Variants in FMN1 observed in about 807,000 individuals in gnomAD.
FMN1 encodes the protein formin 1, also known as formin-1.
FMN1 carries 110 observed loss-of-function variants against 132.4 expected under a neutral mutation model. The observed-to-expected ratio is 0.83, with a 90% CI of 0.71 to 0.97. The LOEUF (loss-of-function observed/expected upper bound fraction) is 0.97, where lower values mean the gene tolerates loss of function less well. FMN1 is among the 50% of genes least tolerant of loss of function. The probability of loss-of-function intolerance (pLI) is 0.00; values close to 1 mark genes in which losing one functional copy is unlikely to be tolerated. For missense variants in FMN1, 1,792 were observed against 1,705.3 expected, an observed-to-expected ratio of 1.05 and a Z score of -0.90; for synonymous variants, 722 against 651.7, an observed-to-expected ratio of 1.11 and a Z score of -1.64.
At chr15:33,008,394 A>C (rs890098047) in intron 6 of FMN1, among the ~76,000 whole-genome samples, 1 of 152,174 alleles carries the variant, frequency 6.6e-6, no homozygotes, top group Non-Finnish European at 1.5e-5. Context: ...GTTGGAAATT[A>C]AGTCCCCACA....
In FMN1 at chr15:32,770,540, C is replaced by T. The variant is rs1419704741; in HGVS notation, c.*3770G>A. On this transcript the variant is annotated 3_prime_UTR_variant, in exon 21 of 21. Coordinates refer to ENST00000616417, the MANE Select transcript of FMN1 (RefSeq NM_001277313.2). ...ACTTATCTTACTGGAGGTGTTAATA[C>T]CACCAACATATTTTATTCCTTCCTT... 1 of 152,196 alleles carries T rather than the reference C, an allele frequency of 6.6e-6. No homozygotes were observed. The allele number at this position is 152,196 out of a possible 1,614,324, so 9.4% of individuals were successfully genotyped here.
intron 4 of FMN1, among the ~76,000 whole-genome samples, chr15:33,143,204 G>A (rs1964077168): frequency 6.6e-6 from 1 of 152,152 alleles, no homozygotes; most frequent in Non-Finnish European, 1.5e-5. Context: ...CCCATGCAGA[G>A]ATGAATAGTT....
intron 9 of FMN1, among the ~76,000 whole-genome samples, chr15:32,943,054 G>A (rs1271929286): frequency 2.0e-5 from 3 of 152,094 alleles, no homozygotes; most frequent in Non-Finnish European, 4.4e-5. Context: ...TTTCAGCGCT[G>A]GTACAGTGCT....
intron 4 of FMN1, among the ~76,000 whole-genome samples, chr15:33,097,972 A>T (rs2039151344): frequency 6.6e-6 from 1 of 152,216 alleles, no homozygotes; most frequent in African/African-American, 2.4e-5. Flanking sequence ...GTACATATGG[A>T]ATTTATCAAA....
intron 6 of FMN1, among the ~76,000 whole-genome samples, chr15:33,044,984 AC>A: frequency 6.6e-6 from 1 of 152,314 alleles, no homozygotes; most frequent in Non-Finnish European, 1.5e-5. Context: ...CTTGCTTGCC[AC>A]ATTGTGGGTG....
intron 17 of FMN1, among the ~76,000 whole-genome samples, chr15:32,849,706 C>T (rs1223577813): frequency 6.6e-6 from 1 of 151,912 alleles, no homozygotes; most frequent in Non-Finnish European, 1.5e-5. Context: ...GCCCAGGCTG[C>T]AGTGCAGTGG....
At chr15:33,082,044 TG>T (rs1278017528) in intron 5 of FMN1, among the ~76,000 whole-genome samples, 38 of 139,766 alleles carry the variant, frequency 2.7e-4, no homozygotes, top group African/African-American at 8.5e-4. Context: ...TGTGTGTGTG[TG>T]TGTGTGTGTA....
rs1009792983 is a variant in FMN1, at chr15:33,161,084, A to G, written c.-131-6039T>C. On this transcript the variant is annotated intron_variant, in intron 3 of 20. Coordinates refer to ENST00000616417, the MANE Select transcript of FMN1 (RefSeq NM_001277313.2). ...AATTGATTTTGGCCTTAAAAGGCCA[A>G]TGCAAAGCTTTCTTTGCCTAGTCAT... Among the ~76,000 whole-genome samples the G allele has an allele frequency of 1.6e-4, 24 of 152,376 alleles. 1 individual carries two copies. The highest frequency in any genetic ancestry group is 3.4e-3 in the Middle Eastern group (1 of 294).
chr15:32,803,648 TG>T (rs2057557658), intron 18 of FMN1, among the ~76,000 whole-genome samples: 1 of 152,242 alleles, frequency 6.6e-6, no homozygotes, highest in East Asian at 1.9e-4. Context: ...ACCTGCCCCT[TG>T]TTTATAATAT....
intron 5 of FMN1, among the ~76,000 whole-genome samples, chr15:33,074,968 C>A (rs1309297217): frequency 7.3e-6 from 1 of 136,978 alleles, no homozygotes; most frequent in African/African-American, 2.7e-5. Context: ...TTGCAGTGAG[C>A]CGAGATGGCA....
At chr15:32,840,888 C>T (rs779630032) in intron 17 of FMN1, among the ~76,000 whole-genome samples, 1 of 152,152 alleles carries the variant, frequency 6.6e-6, no homozygotes, top group Non-Finnish European at 1.5e-5. Flanking sequence ...TAAAGAAGAA[C>T]AGATAATTGC....
At chr15:32,990,781 A>G (rs2033386313) in intron 7 of FMN1, among the ~76,000 whole-genome samples, 1 of 152,182 alleles carries the variant, frequency 6.6e-6, no homozygotes, top group Non-Finnish European at 1.5e-5. Flanking sequence ...TGGAAGGGGA[A>G]GCAAACATGT....
intron 3 of FMN1, among the ~76,000 whole-genome samples, chr15:33,177,243 T>C (rs866267165): frequency 6.6e-6 from 1 of 152,176 alleles, no homozygotes; most frequent in Non-Finnish European, 1.5e-5. Context: ...ACAGGACTGA[T>C]TGGGGACAAT....
chr15:32,892,578 A>G (rs347932), intron 15 of FMN1, among the ~76,000 whole-genome samples: 43,827 of 152,076 alleles, frequency 0.29, 6,670 homozygotes, highest in African/African-American at 0.38. Context: ...TTCATAAAAT[A>G]AATTAGGGAG....
At chr15:33,007,969 G>GT (rs1475985151) in intron 7 of FMN1, 45 bp downstream of exon 7, 1 of 1,501,692 alleles carries the variant, frequency 6.7e-7, no homozygotes, top group African/African-American at 1.4e-5. Flanking sequence ...AGAAAACCAA[G>GT]TATCAGTTCT....
At chr15:32,988,552 T>C (rs1017733825) in intron 7 of FMN1, among the ~76,000 whole-genome samples, 2 of 152,206 alleles carry the variant, frequency 1.3e-5, no homozygotes, top group African/African-American at 4.8e-5. Context: ...CAACACTTTA[T>C]CTTTGGCAGA....
intron 8 of FMN1, among the ~76,000 whole-genome samples, chr15:32,967,183 T>C (rs574028919): frequency 1.3e-5 from 2 of 152,322 alleles, no homozygotes; most frequent in East Asian, 1.9e-4. Context: ...GCCAACTAAA[T>C]GAGGAGGAAA....
At chr15:33,023,159 T>C (rs983751420) in intron 6 of FMN1, among the ~76,000 whole-genome samples, 4 of 147,840 alleles carry the variant, frequency 2.7e-5, no homozygotes, top group Non-Finnish European at 5.9e-5. Context: ...CACCTCAGGC[T>C]AGTGAACCCA....
intron 17 of FMN1, among the ~76,000 whole-genome samples, chr15:32,845,593 C>T (rs1000933859): frequency 6.6e-6 from 1 of 152,136 alleles, no homozygotes; most frequent in African/African-American, 2.4e-5. Flanking sequence ...CACCCTGACC[C>T]TGAGTAAGTT....
Sources: allele counts gnomAD v4.1 joint callset (sites outside exome capture counted in the v4.1 genomes callset), GRCh38; gene constraint gnomAD v4.1.1; transcripts MANE v1.5; gene names NCBI Gene and HGNC (gene_info 2026-07-23, HGNC 2026-07-21).